The following PTPRN2 variants were observed in gnomAD, a reference collection of about 807,000 sequenced individuals.
The protein encoded by PTPRN2 is receptor-type tyrosine-protein phosphatase N2.
PTPRN2 carries 74 observed loss-of-function variants against 118.8 expected under a neutral mutation model. That is an observed-to-expected ratio of 0.62 (90% CI 0.52 to 0.76). The LOEUF (loss-of-function observed/expected upper bound fraction) is 0.76, where lower values mean the gene tolerates loss of function less well. Ranked by LOEUF, PTPRN2 falls within the 30% of genes least tolerant of loss-of-function variation. The pLI is 0.00. For synonymous variants in PTPRN2, 641 were observed against 608.0 expected, an observed-to-expected ratio of 1.05 and a Z score of -0.80; for missense variants, 1,481 against 1,394.4, an observed-to-expected ratio of 1.06 and a Z score of -0.99.
chr7:157,981,004 C>T (rs1348484787), intron 11 of PTPRN2, among the ~76,000 whole-genome samples: 1 of 152,138 alleles, frequency 6.6e-6, no homozygotes, highest in Non-Finnish European at 1.5e-5. Context: ...GGGTAAGTAG[C>T]CAGTTCCCAC....
intron 11 of PTPRN2, among the ~76,000 whole-genome samples, chr7:158,001,323 A>C (rs1037427794): frequency 7.7e-6 from 1 of 129,814 alleles, no homozygotes; most frequent in Admixed American, 8.3e-5. Flanking sequence ...TTGGCTGTGC[A>C]TGTCACAGAG....
At chr7:157,882,715 C>A (rs1192408750) in intron 12 of PTPRN2, among the ~76,000 whole-genome samples, 1 of 148,890 alleles carries the variant, frequency 6.7e-6, no homozygotes, top group East Asian at 2.0e-4. Context: ...ATACACCACC[C>A]CAAAAAACTG....
Position 158,468,661 on chromosome 7 carries a change from C to T in PTPRN2, c.163+21074G>A, listed in dbSNP as rs1309648841. 2.0e-5 allele frequency among the ~76,000 whole-genome samples: 3 copies of T among 152,298 alleles called. No individual in the cohort carries two copies. In the South Asian group the frequency reaches 6.2e-4, roughly 32 times the overall value. Reference sequence around the variant, plus strand: ...TGTGGCTTGAATAGAGAGGGGTGCGCAGGGTGGTGGCAGGGCAAGACAAGC... The same window carrying T: ...TGTGGCTTGAATAGAGAGGGGTGCGTAGGGTGGTGGCAGGGCAAGACAAGC... On this transcript the variant is annotated intron_variant, in intron 2 of 22. Coordinates refer to ENST00000389418, the MANE Select transcript of PTPRN2 (RefSeq NM_002847.5).
chr7:158,387,577 A>AC (rs1586542379), intron 2 of PTPRN2, among the ~76,000 whole-genome samples: 70 of 150,652 alleles, frequency 4.6e-4, no homozygotes, highest in East Asian at 7.8e-4. Flanking sequence ...CTGTCAGCTC[A>AC]GCTTGGCCCG....
At chr7:158,510,647 T>C (rs1823110937) in intron 1 of PTPRN2, among the ~76,000 whole-genome samples, 1 of 152,232 alleles carries the variant, frequency 6.6e-6, no homozygotes, top group Non-Finnish European at 1.5e-5. Flanking sequence ...AATTCACAGA[T>C]ATCAGAAATT....
intron 5 of PTPRN2, among the ~76,000 whole-genome samples, chr7:158,189,298 C>A (rs868301217): frequency 1.3e-5 from 2 of 152,244 alleles, no homozygotes; most frequent in Non-Finnish European, 2.9e-5. Flanking sequence ...AAATTCCATT[C>A]TAACTCTGAC....
Position 157,576,678 on chromosome 7 carries a change from G to C in PTPRN2, c.2718C>G (p.Phe906Leu). Reference sequence around the variant, plus strand: ...CTCGGTCATACCAACTCAGGAAGTGGAACTGCGTCACGGTGCGCGTCTCGT... The same window carrying C: ...CTCGGTCATACCAACTCAGGAAGTGCAACTGCGTCACGGTGCGCGTCTCGT... The part of the protein sequence containing the change: ...QTNETRTVTQ[F>L]HFLSWYDRGV... The change falls in exon 19 of 23, where the codon TTC becomes TTG. Residue 906 changes from phenylalanine (F) to leucine (L), a missense_variant. By Grantham distance (22) the Phe-to-Leu change is conservative. Around this residue, in one of 3 missense-constraint regions of PTPRN2, gnomAD observed 362 missense variants for 384.1 expected, o/e 0.94. Coordinates refer to ENST00000389418, the MANE Select transcript of PTPRN2 (RefSeq NM_002847.5). 6.2e-7 allele frequency: 1 copy of C among 1,612,470 alleles called. No homozygotes were observed. Among genetic ancestry groups the C allele is most frequent in the Non-Finnish European group, 8.5e-7 (1 of 1,179,276 alleles).
chr7:157,830,176 C>G (rs2151158875), intron 12 of PTPRN2, among the ~76,000 whole-genome samples: 1 of 151,386 alleles, frequency 6.6e-6, no homozygotes, highest in African/African-American at 2.4e-5. Flanking sequence ...TGTGCCTGCT[C>G]ACTGGCAGCT....
At position 157,986,260 on chromosome 7, in the gene PTPRN2, C is replaced by T. The variant is rs1003219024; in HGVS notation, c.1724-87523G>A. On this transcript the variant is annotated intron_variant, in intron 11 of 22. Transcript: ENST00000389418. The surrounding 1 kb of genome is among the most constrained non-coding windows in gnomAD (Gnocchi z 4.5). ...CGAGTCACTGTTGGATGTGAGGCAA[C>T]GTGAAGGCTCCACCACTAGGACCCA... Among the ~76,000 whole-genome samples, 1 of 152,162 alleles carries T rather than the reference C, an allele frequency of 6.6e-6. No homozygotes were observed. Among genetic ancestry groups the T allele is most frequent in the African/African-American group, 2.4e-5 (1 of 41,434 alleles).
intron 2 of PTPRN2, among the ~76,000 whole-genome samples, chr7:158,399,111 C>T (rs1268367593): frequency 6.6e-6 from 1 of 152,136 alleles, no homozygotes; most frequent in African/African-American, 2.4e-5. Flanking sequence ...TCCATAGTCT[C>T]TCTTCATTTC....
intron 6 of PTPRN2, among the ~76,000 whole-genome samples, chr7:158,151,990 G>C (rs1263353098): frequency 1.3e-5 from 2 of 151,956 alleles, no homozygotes; most frequent in Non-Finnish European, 2.9e-5. Context: ...TGGCTAACAT[G>C]GTGAAACCCC....
chr7:158,082,508 G>A (rs780186340), intron 10 of PTPRN2, among the ~76,000 whole-genome samples: 5 of 152,190 alleles, frequency 3.3e-5, no homozygotes, highest in Admixed American at 6.5e-5. Context: ...GGGGACTGTC[G>A]TGCCATTACG....
intron 12 of PTPRN2, among the ~76,000 whole-genome samples, chr7:157,849,049 G>T (rs1809082356): frequency 6.6e-6 from 1 of 152,194 alleles, no homozygotes; most frequent in African/African-American, 2.4e-5. Context: ...CGTCTGCGGA[G>T]CCCCTCGGTC....
chr7:158,181,102 G>A (rs1242368898), intron 5 of PTPRN2, among the ~76,000 whole-genome samples: 1 of 152,074 alleles, frequency 6.6e-6, no homozygotes, highest in Non-Finnish European at 1.5e-5. Flanking sequence ...TTATTATTTT[G>A]AGGTAAGTCC....
intron 12 of PTPRN2, among the ~76,000 whole-genome samples, chr7:157,824,755 C>T (rs1807063816): frequency 6.6e-6 from 1 of 152,140 alleles, no homozygotes; most frequent in African/African-American, 2.4e-5. Flanking sequence ...CTGCAGTGAC[C>T]CCCAACTAGT....
chr7:158,577,525 G>T (rs543742257), intron 1 of PTPRN2, among the ~76,000 whole-genome samples: 2 of 143,674 alleles, frequency 1.4e-5, no homozygotes, highest in African/African-American at 5.4e-5. Context: ...GCCACAAACA[G>T]CATGGGGCCT....
At chr7:158,422,701 T>A (rs1197226995) in intron 2 of PTPRN2, among the ~76,000 whole-genome samples, 5 of 151,602 alleles carry the variant, frequency 3.3e-5, no homozygotes, top group Non-Finnish European at 7.4e-5. Context: ...GGGGCCACCA[T>A]TCGGATGTGG....
At chr7:158,323,926 TACAC>T (rs368609740) in intron 2 of PTPRN2, among the ~76,000 whole-genome samples, 24 of 151,922 alleles carry the variant, frequency 1.6e-4, no homozygotes, top group African/African-American at 4.6e-4. Context: ...CACTCACACA[TACAC>T]ACACTCACAC....
chr7:158,143,734 G>C (rs766562614), intron 6 of PTPRN2, among the ~76,000 whole-genome samples: 1 of 152,170 alleles, frequency 6.6e-6, no homozygotes, highest in Non-Finnish European at 1.5e-5. Flanking sequence ...CTGATGTCAC[G>C]ATTCGCAGGA....
Sources: allele counts gnomAD v4.1 joint callset (sites outside exome capture counted in the v4.1 genomes callset), GRCh38; gene constraint gnomAD v4.1.1; regional missense constraint gnomAD v4.1.1; non-coding constraint Gnocchi (gnomAD v3.1); transcripts MANE v1.5; gene names NCBI Gene and HGNC (gene_info 2026-07-23, HGNC 2026-07-21).